The following ZNF804B variants were observed in gnomAD, a reference collection of about 807,000 sequenced individuals.
The protein encoded by ZNF804B is zinc finger protein 804B, also known as zinc finger 804B.
In ZNF804B, 80 loss-of-function variants were observed where a neutral mutation model predicts 101.4. The ratio of observed to expected loss-of-function variants is 0.79; its 90% confidence interval spans 0.66 to 0.95. The LOEUF is 0.95. Among genes scored for constraint, ZNF804B ranks in the 40% least tolerant of loss-of-function variants. ZNF804B has a pLI of 0.00. For missense variants in ZNF804B, 1,673 were observed against 1,561.9 expected (o/e 1.07, Z -1.20); for synonymous variants, 622 against 558.8 (o/e 1.11, Z -1.59).
rs10486905 is a variant in ZNF804B, at chr7:89,161,295, T to A, written c.109-56860T>A. Among the ~76,000 whole-genome samples the A allele has an allele frequency of 2.0e-5, 3 of 151,620 alleles. No homozygotes were observed. In the East Asian group the frequency reaches 6.0e-4, roughly 30 times the overall value. ...AGTCCTCTTTACACTCTTCTTGAACTTATATATACTAGATTTGGTGCTAAG... is the reference window on the plus strand; with the variant it reads ...AGTCCTCTTTACACTCTTCTTGAACATATATATACTAGATTTGGTGCTAAG... On this transcript the variant is annotated intron_variant, in intron 1 of 3. Coordinates refer to ENST00000333190, the MANE Select transcript of ZNF804B (RefSeq NM_181646.5).
At chr7:88,996,497 T>C (rs751067228) in intron 1 of ZNF804B, among the ~76,000 whole-genome samples, 6 of 152,098 alleles carry the variant, frequency 3.9e-5, no homozygotes, top group Non-Finnish European at 7.4e-5. Flanking sequence ...TGGTTGTCTA[T>C]CTTTCTCAAG....
intron 2 of ZNF804B, among the ~76,000 whole-genome samples, chr7:89,304,456 T>C: frequency 6.6e-6 from 1 of 152,032 alleles, no homozygotes; most frequent in Middle Eastern, 3.4e-3. Context: ...CTGGTGCAGT[T>C]TTGTCTTTTA....
chr7:88,922,327 T>A (rs1200249573), intron 1 of ZNF804B, among the ~76,000 whole-genome samples: 1 of 152,074 alleles, frequency 6.6e-6, no homozygotes. Context: ...TGCCTTTTTA[T>A]GAGATTTCAA....
chr7:89,268,968 A>G (rs1045359361), intron 2 of ZNF804B, among the ~76,000 whole-genome samples: 2 of 152,066 alleles, frequency 1.3e-5, no homozygotes, highest in African/African-American at 4.8e-5. Flanking sequence ...ATGTTTTGTC[A>G]ACATCTGGTT....
intron 1 of ZNF804B, among the ~76,000 whole-genome samples, chr7:89,117,853 G>T (rs1295722413): frequency 1.3e-5 from 2 of 151,952 alleles, no homozygotes; most frequent in Non-Finnish European, 2.9e-5. Context: ...TTCCAGAAAA[G>T]TTTTTACATT....
chr7:88,949,357 TC>T (rs1197722716), intron 1 of ZNF804B, among the ~76,000 whole-genome samples: 1 of 151,836 alleles, frequency 6.6e-6, no homozygotes, highest in African/African-American at 2.4e-5. Flanking sequence ...CCAATTGTGA[TC>T]ACCAAAAATG....
At chr7:88,879,856 T>C (rs1173006494) in intron 1 of ZNF804B, among the ~76,000 whole-genome samples, 1 of 151,992 alleles carries the variant, frequency 6.6e-6, no homozygotes, top group Non-Finnish European at 1.5e-5. Context: ...CTGGGAAACA[T>C]GGTGAAACCC....
intron 1 of ZNF804B, among the ~76,000 whole-genome samples, chr7:88,961,737 A>C (rs544722744): frequency 6.6e-6 from 1 of 151,440 alleles, no homozygotes; most frequent in African/African-American, 2.4e-5. Context: ...GCATGACACA[A>C]ACTATATCAC....
intron 2 of ZNF804B, among the ~76,000 whole-genome samples, chr7:89,260,182 A>AT (rs778504777): frequency 2.5e-4 from 38 of 152,040 alleles, no homozygotes; most frequent in Admixed American, 6.6e-4. Context: ...GCTGGTGCTT[A>AT]TTTTTTTCCT....
intron 2 of ZNF804B, among the ~76,000 whole-genome samples, chr7:89,232,909 G>C (rs1584073081): frequency 6.6e-6 from 1 of 151,944 alleles, no homozygotes; most frequent in East Asian, 1.9e-4. Context: ...TATTTTGTGT[G>C]TAATTTATTT....
At chr7:89,102,651 G>A (rs1354945487) in intron 1 of ZNF804B, among the ~76,000 whole-genome samples, 2 of 151,860 alleles carry the variant, frequency 1.3e-5, no homozygotes, top group African/African-American at 4.8e-5. Flanking sequence ...TATTCTGCTG[G>A]TTACTTCATT....
At chr7:88,867,659 C>T (rs553956154) in intron 1 of ZNF804B, among the ~76,000 whole-genome samples, 152 of 152,168 alleles carry the variant, frequency 1.0e-3, no homozygotes, top group African/African-American at 2.9e-3. Context: ...CAAGTTGACA[C>T]CTTGCTTACT....
At chr7:88,794,737 T>C (rs1317303595) in intron 1 of ZNF804B, 32 of 1,613,514 alleles carry the variant, frequency 2.0e-5, no homozygotes, top group African/African-American at 4.0e-5. Context: ...CATTTGTTCA[T>C]AGTAGTCAGC....
chr7:89,085,272 T>A (rs1789780559), intron 1 of ZNF804B, among the ~76,000 whole-genome samples: 1 of 151,982 alleles, frequency 6.6e-6, no homozygotes, highest in Non-Finnish European at 1.5e-5. Context: ...TTATTACAGA[T>A]TGTCAGAAGA....
chr7:88,953,705 A>T (rs978631008), intron 1 of ZNF804B, among the ~76,000 whole-genome samples: 1 of 151,700 alleles, frequency 6.6e-6, no homozygotes, highest in Non-Finnish European at 1.5e-5. Flanking sequence ...TAGAATCTTA[A>T]GATTCTTCTT....
chr7:88,958,260 T>C (rs941890771), intron 1 of ZNF804B, among the ~76,000 whole-genome samples: 1 of 151,444 alleles, frequency 6.6e-6, no homozygotes, highest in Admixed American at 6.6e-5. Context: ...ATTTTATAAA[T>C]TCAATGGATA....
chr7:89,230,704 T>G (rs1437051907), intron 2 of ZNF804B, among the ~76,000 whole-genome samples: 1 of 152,062 alleles, frequency 6.6e-6, no homozygotes, highest in Non-Finnish European at 1.5e-5. Context: ...CAAATGGTGC[T>G]GAAACACCTG....
chr7:88,989,291 C>T lies in ZNF804B; in HGVS notation c.109-228864C>T, dbSNP rs138007140. ...GATTATTACCAGAGTTTTAAATTAT[C>T]TCCAGGGTTGGCAACCATTTCAATA... On this transcript the variant is annotated intron_variant, in intron 1 of 3. Coordinates refer to ENST00000333190, the MANE Select transcript of ZNF804B (RefSeq NM_181646.5). 1.1e-4 allele frequency among the ~76,000 whole-genome samples: 17 copies of T among 152,168 alleles called. No individual in the cohort carries two copies. In the East Asian group the frequency reaches 1.9e-3, roughly 17 times the overall value.
At chr7:89,226,133 C>T (rs1180581278) in intron 2 of ZNF804B, among the ~76,000 whole-genome samples, 5 of 151,968 alleles carry the variant, frequency 3.3e-5, no homozygotes, top group South Asian at 2.1e-4. Context: ...TCATACCACC[C>T]GGTGTTGACA....
Sources: allele counts gnomAD v4.1 joint callset (sites outside exome capture counted in the v4.1 genomes callset), GRCh38; gene constraint gnomAD v4.1.1; transcripts MANE v1.5; gene names NCBI Gene and HGNC (gene_info 2026-07-23, HGNC 2026-07-21).